CDK5RAP2: variants seen among roughly 807,000 people sequenced by gnomAD.
CDK5RAP2 encodes CDK5 regulatory subunit associated protein 2, also known as CDK5 regulatory subunit-associated protein 2.
Under a neutral mutation model 232.9 loss-of-function variants are expected in CDK5RAP2, and 147 were observed. The ratio of observed to expected loss-of-function variants is 0.63; its 90% CI spans 0.55 to 0.72. The LOEUF is 0.72. Ranked by LOEUF, CDK5RAP2 falls within the 30% of genes least tolerant of loss-of-function variation. The probability of loss-of-function intolerance (pLI) is 0.00; values close to 1 mark genes in which losing one functional copy is unlikely to be tolerated. For synonymous variants in CDK5RAP2, 833 were observed against 833.7 expected, an observed-to-expected ratio of 1.00 and a Z score of 0.01; for missense variants, 2,195 against 2,231.5, an observed-to-expected ratio of 0.98 and a Z score of 0.33.
At chr9:120,414,778 A>G (rs1242022470) in intron 28 of CDK5RAP2, among the ~76,000 whole-genome samples, 1 of 152,218 alleles carries the variant, frequency 6.6e-6, no homozygotes, top group Non-Finnish European at 1.5e-5. Context: ...TAAAATGCTG[A>G]TATTTTTATA....
rs377401390 is a variant in CDK5RAP2 at position 120,443,602 on chromosome 9, C to T, written c.3148+18G>A. 18 of 1,613,790 alleles carry T rather than the reference C, an allele frequency of 1.1e-5. No homozygotes were observed. Among genetic ancestry groups the T allele is most frequent in the African/African-American group, 4.0e-5 (3 of 74,896 alleles). ...GCACATGGAAGCTGTTCAATACACA[C>T]AGGGGCTGAATTCTGACCAATCTCG... On this transcript the variant is annotated intron_variant, in intron 23 of 37. Coordinates refer to ENST00000349780, the MANE Select transcript of CDK5RAP2 (RefSeq NM_018249.6).
In CDK5RAP2 at chr9:120,409,205, T is replaced by C. The variant is rs770671639; in HGVS notation, c.4526A>G (p.Gln1509Arg). 4 of 1,614,110 alleles carry C rather than the reference T, an allele frequency of 2.5e-6. No individual in the cohort carries two copies. Among genetic ancestry groups the C allele is most frequent in the Middle Eastern group, 1.7e-4 (1 of 6,020 alleles). ...ASVKEENERL[Q>R]KEGSEKERHN... is the part of the protein sequence containing the mutation. ...TCTCTCCTTCTCGCTGCCTTCTTTCTGCAGCCTTTCATTTTCTTCCTTCAC... is the reference window on the plus strand; with the variant it reads ...TCTCTCCTTCTCGCTGCCTTCTTTCCGCAGCCTTTCATTTTCTTCCTTCAC... The change falls in exon 30 of 38, where the codon CAG (glutamine) becomes CGG (arginine). Residue 1509 changes from glutamine to arginine, a missense_variant. Gln to Arg is a conservative substitution (Grantham distance 43). Transcript: ENST00000349780.
intron 35 of CDK5RAP2, among the ~76,000 whole-genome samples, chr9:120,400,390 G>T (rs2032896003): frequency 6.6e-6 from 1 of 152,168 alleles, no homozygotes; most frequent in Non-Finnish European, 1.5e-5. Context: ...GACAAATTAG[G>T]ACTTAGAGCC....
chr9:120,469,816 CA>C (rs1171038875), intron 17 of CDK5RAP2, among the ~76,000 whole-genome samples: 1 of 151,660 alleles, frequency 6.6e-6, no homozygotes, highest in African/African-American at 2.4e-5. Context: ...GGATTAGGTA[CA>C]AAAAAAAGAG....
rs763842795 is a variant in CDK5RAP2, at chr9:120,530,120, A to G, written c.683T>C (p.Leu228Pro). 5.0e-6 allele frequency: 8 copies of G among 1,613,308 alleles called. No homozygotes were observed. In the South Asian group the frequency reaches 8.8e-5, roughly 18 times the overall value. Reference protein sequence around the residue: ...EKDRLIEELKLSLKSKEALIQ... With the variant: ...EKDRLIEELKPSLKSKEALIQ... ...TAAAGCTTCTTTGCTCTTCAAAGAC[A>G]GCTTCAACTCCTCAATCAGTCTAAA... is the stretch of plus-strand genomic sequence containing the variant. Residue 228 changes from leucine to proline, a missense_variant, in exon 8 of 38, where the codon CTG becomes CCG. Transcript: ENST00000349780.
At chr9:120,557,484 T>A (rs2042272917) in intron 3 of CDK5RAP2, among the ~76,000 whole-genome samples, 1 of 152,106 alleles carries the variant, frequency 6.6e-6, no homozygotes, top group Non-Finnish European at 1.5e-5. Flanking sequence ...GGCCAGGCAG[T>A]GTGGCTCACA....
intron 25 of CDK5RAP2, among the ~76,000 whole-genome samples, chr9:120,427,336 G>C (rs2034976130): frequency 6.6e-6 from 1 of 152,208 alleles, no homozygotes; most frequent in Non-Finnish European, 1.5e-5. Context: ...GCCGTCCTGG[G>C]CTGCATGCAG....
chr9:120,518,165 C>CTGTGTGTG (rs56032707), intron 12 of CDK5RAP2, among the ~76,000 whole-genome samples: 2,948 of 111,170 alleles, frequency 0.027, 50 homozygotes, highest in Non-Finnish European at 0.03. Flanking sequence ...GATAACAACT[C>CTGTGTGTG]TGTGTGTGTG....
chr9:120,499,582 A>T (rs2039480088), intron 12 of CDK5RAP2, among the ~76,000 whole-genome samples: 1 of 152,158 alleles, frequency 6.6e-6, no homozygotes, highest in Non-Finnish European at 1.5e-5. Flanking sequence ...TTGGGCAAAA[A>T]GATGATGATG....
chr9:120,405,467 C>G (rs1193549595), intron 32 of CDK5RAP2, among the ~76,000 whole-genome samples: 3 of 152,120 alleles, frequency 2.0e-5, no homozygotes, highest in African/African-American at 7.2e-5. Context: ...CCTGGGTACC[C>G]CAAGCACAGA....
At chr9:120,577,921 A>G (rs1376382438) in intron 1 of CDK5RAP2, among the ~76,000 whole-genome samples, 3 of 152,234 alleles carry the variant, frequency 2.0e-5, no homozygotes, top group South Asian at 2.1e-4. Flanking sequence ...TAACAGCAAT[A>G]AGCAGCATTA....
At position 120,402,748 on chromosome 9, in the gene CDK5RAP2, C is replaced by A. The variant is rs202060038; in HGVS notation, c.5307+58G>T. On this transcript the variant is annotated intron_variant, in intron 34 of 37. Coordinates refer to ENST00000349780, the MANE Select transcript of CDK5RAP2 (RefSeq NM_018249.6). ...AACTGCGCCATTTGACTCCCCTCCC[C>A]CTTCCACCGACACTCCCAGGGAGCA... The A allele has an allele frequency of 2.9e-3, 4,614 of 1,602,806 alleles. 14 individuals carry two copies. The highest frequency in any genetic ancestry group is 3.5e-3 in the Non-Finnish European group (4,081 of 1,171,896).
chr9:120,443,085 T>A (rs1196052800), intron 23 of CDK5RAP2, among the ~76,000 whole-genome samples: 2 of 152,164 alleles, frequency 1.3e-5, no homozygotes, highest in Non-Finnish European at 2.9e-5. Context: ...CTTCATAATT[T>A]TAAAAAGAAA....
chr9:120,411,484 C>G lies in CDK5RAP2; in HGVS notation c.4298-10G>C. On this transcript the variant is annotated splice_polypyrimidine_tract_variant and intron_variant, in intron 28 of 37. Coordinates refer to ENST00000349780, the MANE Select transcript of CDK5RAP2 (RefSeq NM_018249.6). Reference sequence around the variant, plus strand: ...AAAATGCTTGTAGAACCTATAAAAACACACATAAAAACTGATTTATAAACA... The same window carrying G: ...AAAATGCTTGTAGAACCTATAAAAAGACACATAAAAACTGATTTATAAACA... The G allele has an allele frequency of 2.7e-6, 4 of 1,458,328 alleles. No homozygotes were observed. The highest frequency in any genetic ancestry group is 3.9e-6 in the Non-Finnish European group (4 of 1,038,878). The allele number at this position is 1,458,328 out of a possible 1,614,324, so 90.3% of individuals were successfully genotyped here. A position where few individuals can be genotyped will look rare whatever the true frequency, so the allele number is the denominator to read the frequency against.
chr9:120,409,055 A>T, intron 30 of CDK5RAP2, 72 bp downstream of exon 30: 1 of 1,462,464 alleles, frequency 6.8e-7, no homozygotes. Flanking sequence ...CTGCGTGCTG[A>T]TTCCACGACT....
chr9:120,527,934 G>A lies in CDK5RAP2; in HGVS notation c.880-9C>T, dbSNP rs1376835032. The A allele has an allele frequency of 1.9e-6, 3 of 1,613,452 alleles. No homozygotes were observed. The Admixed American group carries it at 5.0e-5, about 27-fold the overall frequency. ...AGGTCCTCTTCAAGTGCCTAAATTAGATTAGAAAAAGATTCACTAAGTTGA... is the reference window on the plus strand; with the variant it reads ...AGGTCCTCTTCAAGTGCCTAAATTAAATTAGAAAAAGATTCACTAAGTTGA... On this transcript the variant is annotated splice_polypyrimidine_tract_variant and intron_variant, in intron 9 of 37. Coordinates refer to ENST00000349780, the MANE Select transcript of CDK5RAP2 (RefSeq NM_018249.6).
chr9:120,571,658 T>C (rs2042860271), intron 2 of CDK5RAP2: 2 of 379,424 alleles, frequency 5.3e-6, no homozygotes, highest in Non-Finnish European at 1.0e-5. Context: ...CTCCAGCCAC[T>C]GGCCTAGCTG....
Position 120,460,598 on chromosome 9 carries a change from C to A in CDK5RAP2, c.2176G>T (p.Asp726Tyr). The A allele has an allele frequency of 6.2e-7, 1 of 1,614,116 alleles. No individual in the cohort carries two copies. The highest frequency in any genetic ancestry group is 8.5e-7 in the Non-Finnish European group (1 of 1,180,026). The change falls in exon 19 of 38, where the codon GAC becomes TAC. Residue 726 changes from aspartate (D) to tyrosine (Y), a missense_variant. Asp to Tyr is a radical substitution (Grantham distance 160). Transcript: ENST00000349780. ...TCATTACTCTGCTGCAAATGCTGGT[C>A]ACTCAGGAAATTAATCTCGTCATCC... ...GEDDEINFLS[D>Y]QHLQQSNEIM...
chr9:120,507,822 C>G (rs1256716312), intron 12 of CDK5RAP2, among the ~76,000 whole-genome samples: 2 of 145,568 alleles, frequency 1.4e-5, no homozygotes, highest in Non-Finnish European at 3.0e-5. Context: ...GGCAATTTTC[C>G]CTTAAGATTC....
Sources: gnomAD v4.1 joint callset for allele counts (sites outside exome capture counted in the v4.1 genomes callset) on GRCh38, gnomAD v4.1.1 for gene constraint, MANE v1.5 for transcripts, NCBI Gene and HGNC (gene_info 2026-07-23, HGNC 2026-07-21) for gene names.